GPR89B: variants seen among roughly 807,000 people sequenced by gnomAD.
The protein encoded by GPR89B is golgi pH regulator B, also known as G protein-coupled receptor 89B.
Under a neutral mutation model 52.4 loss-of-function variants are expected in GPR89B, and 25 were observed. That is an observed-to-expected ratio of 0.48 (90% confidence interval 0.35 to 0.67). The LOEUF (loss-of-function observed/expected upper bound fraction) is 0.67, where lower values mean the gene tolerates loss of function less well. GPR89B is among the 30% of genes least tolerant of loss of function. The pLI is 0.01. For synonymous variants in GPR89B, 52 were observed against 151.2 expected (o/e 0.34, Z 4.81); for missense variants, 146 against 450.2 (o/e 0.32, Z 6.11).
At chr1:147,995,035 T>C (rs1488142425), downstream of GPR89B, among the ~76,000 whole-genome samples, 1 of 152,182 alleles carries the variant, frequency 6.6e-6, no homozygotes, top group East Asian at 1.9e-4. Flanking sequence ...GAGAATAATA[T>C]AGAGAATGCT....
At chr1:147,981,837 G>A (rs1658276524) in intron 10 of GPR89B, among the ~76,000 whole-genome samples, 1 of 151,602 alleles carries the variant, frequency 6.6e-6, no homozygotes. Context: ...ATTTTTAGTA[G>A]AGACGAGGTT....
chr1:147,988,058 G>T (rs1420578644), intron 11 of GPR89B, among the ~76,000 whole-genome samples: 10 of 151,876 alleles, frequency 6.6e-5, no homozygotes, highest in South Asian at 2.1e-4. Flanking sequence ...TTTTATCACT[G>T]CTTGGTACTT....
At chr1:147,973,360 G>T (rs1467558769) in intron 10 of GPR89B, among the ~76,000 whole-genome samples, 5 of 152,062 alleles carry the variant, frequency 3.3e-5, no homozygotes, top group African/African-American at 1.2e-4. Flanking sequence ...ATTCTGACTG[G>T]TGTGAGATGG....
chr1:147,945,975 C>G (rs1432002097), intron 5 of GPR89B, among the ~76,000 whole-genome samples: 1 of 152,120 alleles, frequency 6.6e-6, no homozygotes. Context: ...ATCGACCCAC[C>G]TCAGCTTCCC....
chr1:147,997,997 C>T (rs1419981690), downstream of GPR89B, among the ~76,000 whole-genome samples: 1 of 152,208 alleles, frequency 6.6e-6, no homozygotes, highest in Non-Finnish European at 1.5e-5. Flanking sequence ...TTCATATCAA[C>T]TCCCAGCCCA....
the GPR89B span, among the ~76,000 whole-genome samples, chr1:148,013,301 C>T: frequency 6.6e-6 from 1 of 152,074 alleles, no homozygotes; most frequent in Non-Finnish European, 1.5e-5. Context: ...GCGTTCCTGC[C>T]CCGCAAGCCT....
chr1:147,938,863 A>G (rs782159844), intron 3 of GPR89B, 46 bp downstream of exon 3: 2 of 1,516,892 alleles, frequency 1.3e-6, no homozygotes, highest in Non-Finnish European at 1.8e-6. Flanking sequence ...TCTGTGCTAC[A>G]TTCTTTACAG....
At chr1:148,010,414 A>G in the GPR89B span, 2 of 152,228 alleles carry the variant, frequency 1.3e-5, no homozygotes, top group South Asian at 2.1e-4. Flanking sequence ...AAGAGAGTGT[A>G]GTTAAGAAAA....
chr1:148,009,666 C>T, the GPR89B span: 4 of 689,070 alleles, frequency 5.8e-6, no homozygotes, highest in Admixed American at 1.1e-4. Flanking sequence ...GACCATCTGG[C>T]TCAATATCTG....
At chr1:147,951,051 G>A (rs1291646808) in intron 5 of GPR89B, among the ~76,000 whole-genome samples, 3 of 151,846 alleles carry the variant, frequency 2.0e-5, no homozygotes, top group Non-Finnish European at 4.4e-5. Context: ...ACAAGGATTG[G>A]AAAATGTTGA....
chr1:147,972,594 A>G (rs2149080572), intron 10 of GPR89B, among the ~76,000 whole-genome samples: 2 of 151,730 alleles, frequency 1.3e-5, no homozygotes, highest in East Asian at 3.8e-4. Flanking sequence ...GCATCTTTTC[A>G]TGTGCTTTTT....
chr1:148,005,846 C>T, the GPR89B span, among the ~76,000 whole-genome samples: 4 of 151,910 alleles, frequency 2.6e-5, no homozygotes, highest in East Asian at 5.8e-4. Flanking sequence ...TGCTTCTGTT[C>T]GTAAGTTCCC....
In GPR89B at chr1:147,992,488, C is replaced by G. The variant is rs1350415492; in HGVS notation, c.1096-14C>G. On this transcript the variant is annotated splice_polypyrimidine_tract_variant and intron_variant, in intron 12 of 13. Coordinates refer to ENST00000314163, the MANE Select transcript of GPR89B (RefSeq NM_016334.5). ...AACAGTACTGCATAAATTTATCTCC[C>G]TCTTTCTTGACAGTTCTTTTATGCC... 2,576 of 1,611,328 alleles carry G rather than the reference C, an allele frequency of 1.6e-3. 4 individuals are homozygous for G. Among genetic ancestry groups the G allele is most frequent in the Non-Finnish European group, 2.0e-3 (2,352 of 1,179,490 alleles).
At chr1:148,019,884 C>T in the GPR89B span, among the ~76,000 whole-genome samples, 29 of 151,716 alleles carry the variant, frequency 1.9e-4, no homozygotes, top group Admixed American at 5.2e-4. Flanking sequence ...TTGTTTTGGT[C>T]TCTGTAAGGC....
rs1304193120 is a variant in GPR89B at position 147,993,381 on chromosome 1, T to A, written c.*464T>A. On this transcript the variant is annotated 3_prime_UTR_variant, in exon 14 of 14. Transcript: ENST00000314163. ...TCATTTTATCAAGCATAGCTTGGTA[T>A]TTATTATGCTTGTGTGATCTAACAT... 4.1e-6 allele frequency: 1 copy of A among 241,958 alleles called. No homozygotes were observed. The highest frequency in any genetic ancestry group is 8.1e-6 in the Non-Finnish European group (1 of 123,844). The allele number at this position is 241,958 out of a possible 1,614,324, so 15.0% of individuals were successfully genotyped here.
downstream of GPR89B, among the ~76,000 whole-genome samples, chr1:147,997,118 T>C (rs2796965): frequency 9.2e-5 from 14 of 152,256 alleles, no homozygotes; most frequent in African/African-American, 1.2e-4. Flanking sequence ...CATATCTGAC[T>C]GACTAGCCGG....
At chr1:148,017,742 T>TAAAA in the GPR89B span, among the ~76,000 whole-genome samples, 2 of 57,196 alleles carry the variant, frequency 3.5e-5, no homozygotes, top group East Asian at 1.1e-3. Context: ...CGTCTCAAAA[T>TAAAA]AAATAAATAA....
intron 5 of GPR89B, among the ~76,000 whole-genome samples, chr1:147,949,936 A>C (rs1452623039): frequency 8.7e-6 from 1 of 115,076 alleles, no homozygotes; most frequent in Admixed American, 8.7e-5. Flanking sequence ...TGACCCCCCC[A>C]CCTCCCTCCC....
chr1:147,961,521 T>C (rs1656566592), intron 7 of GPR89B, among the ~76,000 whole-genome samples: 2 of 152,232 alleles, frequency 1.3e-5, no homozygotes, highest in Non-Finnish European at 2.9e-5. Context: ...CAAAAATCAG[T>C]TGTAGCCAGG....
Sources: allele counts gnomAD v4.1 joint callset (sites outside exome capture counted in the v4.1 genomes callset), GRCh38; gene constraint gnomAD v4.1.1; transcripts MANE v1.5; gene names NCBI Gene and HGNC (gene_info 2026-07-23, HGNC 2026-07-21).